Variants in OLFM3 observed in about 807,000 individuals in gnomAD.
OLFM3 encodes the protein noelin-3.
Under a neutral mutation model 48.6 loss-of-function variants are expected in OLFM3, and 20 were observed. That is an observed-to-expected ratio of 0.41 (90% CI 0.29 to 0.60). The LOEUF (loss-of-function observed/expected upper bound fraction) is 0.60. Ranked by LOEUF, OLFM3 falls within the 20% of genes least tolerant of loss-of-function variation. The pLI, the probability that OLFM3 is intolerant of heterozygous loss-of-function variation, is 0.28. For missense variants in OLFM3, 437 were observed against 544.3 expected, an observed-to-expected ratio of 0.80 and a Z score of 1.96; for synonymous variants, 222 against 198.1, an observed-to-expected ratio of 1.12 and a Z score of -1.01.
intron 1 of OLFM3, among the ~76,000 whole-genome samples, chr1:101,944,052 T>C (rs1250635123): frequency 6.7e-6 from 1 of 150,342 alleles, no homozygotes; most frequent in African/African-American, 2.4e-5. Flanking sequence ...TATTTTTATA[T>C]ATATATATAG....
rs150702838 is a variant in OLFM3 at position 101,827,803 on chromosome 1, C to G, written c.373-2558G>C. Among the ~76,000 whole-genome samples, 438 of 152,226 alleles carry G rather than the reference C, an allele frequency of 2.9e-3. 1 individual carries two copies. The highest frequency in any genetic ancestry group is 0.01 in the African/African-American group (431 of 41,534). On this transcript the variant is annotated intron_variant, in intron 3 of 5. Transcript: ENST00000370103. Reference sequence around the variant, plus strand: ...GTTCTCATGCATATTAGATATACGACTCTGGATAAATTACTCAACCTCTTT... The same window carrying G: ...GTTCTCATGCATATTAGATATACGAGTCTGGATAAATTACTCAACCTCTTT...
At chr1:101,889,400 G>A (rs909226871) in intron 1 of OLFM3, among the ~76,000 whole-genome samples, 2 of 152,094 alleles carry the variant, frequency 1.3e-5, no homozygotes, top group African/African-American at 4.8e-5. Context: ...ACTATTGAAA[G>A]GACAGAAAGC....
At position 101,950,605 on chromosome 1, in the gene OLFM3, A is replaced by AT. The variant is rs984239017; in HGVS notation, c.69+46142dup. Among the ~76,000 whole-genome samples, 227 of 146,386 alleles carry AT rather than the reference A, an allele frequency of 1.6e-3. 1 individual carries two copies. The highest frequency in any genetic ancestry group is 6.0e-3 in the East Asian group (30 of 5,032). ...AAGCGCCTGCCACCACTCCCGGCTA[A>AT]TTTTTTTTTTTGGTATTTTTAGTAG... On this transcript the variant is annotated intron_variant, in intron 1 of 5. Transcript: ENST00000370103.
At chr1:101,991,016 A>T (rs373747584) in intron 1 of OLFM3, among the ~76,000 whole-genome samples, 335 of 32,184 alleles carry the variant, frequency 0.01, 15 homozygotes, top group African/African-American at 0.048. Flanking sequence ...AAAAAAAAAA[A>T]ATATATATAT....
intron 1 of OLFM3, among the ~76,000 whole-genome samples, chr1:101,945,790 G>T (rs1259876631): frequency 6.6e-6 from 1 of 152,004 alleles, no homozygotes; most frequent in East Asian, 1.9e-4. Flanking sequence ...TATAGTAAAA[G>T]AAATGTGTTA....
chr1:101,937,064 C>A (rs905382239), intron 1 of OLFM3, among the ~76,000 whole-genome samples: 11 of 152,142 alleles, frequency 7.2e-5, no homozygotes, highest in African/African-American at 2.7e-4. Flanking sequence ...ACAAAGATTT[C>A]ATGATGAAGG....
At chr1:101,955,447 TA>T (rs967318625) in intron 1 of OLFM3, among the ~76,000 whole-genome samples, 7 of 152,098 alleles carry the variant, frequency 4.6e-5, no homozygotes, top group East Asian at 3.9e-4. Flanking sequence ...TTTAGCGTTT[TA>T]AACACCCTCA....
At chr1:101,968,533 G>A (rs373071026) in intron 1 of OLFM3, among the ~76,000 whole-genome samples, 77 of 118,484 alleles carry the variant, frequency 6.5e-4, no homozygotes, top group South Asian at 1.3e-3. Context: ...TTTTTGTTCT[G>A]AAAAAAAAAA....
intron 1 of OLFM3, among the ~76,000 whole-genome samples, chr1:101,906,156 G>A (rs1007400559): frequency 1.3e-5 from 2 of 151,864 alleles, no homozygotes; most frequent in African/African-American, 4.8e-5. Flanking sequence ...AGAGTCTAGA[G>A]TCTTGGAGAA....
chr1:101,840,660 G>A (rs1311330169), intron 1 of OLFM3, among the ~76,000 whole-genome samples: 1 of 151,928 alleles, frequency 6.6e-6, no homozygotes, highest in African/African-American at 2.4e-5. Context: ...TTTTGGTGAT[G>A]GGGTTTTACC....
At chr1:101,935,891 A>G (rs142250623) in intron 1 of OLFM3, among the ~76,000 whole-genome samples, 1 of 152,274 alleles carries the variant, frequency 6.6e-6, no homozygotes, top group Non-Finnish European at 1.5e-5. Flanking sequence ...ACCTTAATAG[A>G]TGGATAAAAG....
intron 4 of OLFM3, among the ~76,000 whole-genome samples, chr1:101,815,142 T>A (rs1170315268): frequency 1.2e-4 from 19 of 152,168 alleles, no homozygotes; most frequent in Admixed American, 1.2e-3. Context: ...CTAGCTACTG[T>A]ATAGAATATT....
chr1:101,893,367 C>A, intron 1 of OLFM3: 1 of 386,078 alleles, frequency 2.6e-6, no homozygotes, highest in African/African-American at 2.1e-5. Flanking sequence ...TGCATGGAGA[C>A]CCAGGGCCAT....
chr1:101,949,608 G>T (rs1012769831), intron 1 of OLFM3, among the ~76,000 whole-genome samples: 1 of 152,048 alleles, frequency 6.6e-6, no homozygotes, highest in African/African-American at 2.4e-5. Context: ...TATAACAAAA[G>T]ATTTGATCAA....
chr1:101,805,051 C>A (rs1311498622), intron 5 of OLFM3, 136 bp from the exon 6 acceptor site: 4 of 656,448 alleles, frequency 6.1e-6, no homozygotes, highest in African/African-American at 5.5e-5. Context: ...TGCTGACCTG[C>A]CGCAATGTAT....
chr1:101,842,182 A>G (rs1188582459), intron 1 of OLFM3, among the ~76,000 whole-genome samples: 2 of 152,212 alleles, frequency 1.3e-5, no homozygotes, highest in Non-Finnish European at 2.9e-5. Context: ...GGCTTTAAGA[A>G]AAAACAACTA....
At chr1:101,978,601 A>G (rs1236889689) in intron 1 of OLFM3, among the ~76,000 whole-genome samples, 2 of 152,210 alleles carry the variant, frequency 1.3e-5, no homozygotes, top group Non-Finnish European at 2.9e-5. Context: ...TACTTTTTCT[A>G]GAATTAATGT....
At chr1:101,959,344 T>C (rs74414525) in intron 1 of OLFM3, among the ~76,000 whole-genome samples, 2 of 36,644 alleles carry the variant, frequency 5.5e-5, no homozygotes, top group South Asian at 1.8e-3. Context: ...CTCCTTTTTT[T>C]TTTTTTTTAA....
At position 101,972,302 on chromosome 1, in the gene OLFM3, C is replaced by T. The variant is rs568684143; in HGVS notation, c.69+24446G>A. Among the ~76,000 whole-genome samples the T allele has an allele frequency of 5.9e-5, 9 of 152,282 alleles. No individual in the cohort carries two copies. In the South Asian group the frequency reaches 1.2e-3, roughly 21 times the overall value. ...AGTAGAAATTATCCCTTTGTGAATA[C>T]TGAATGTCTTTATCATAATGCTGTC... On this transcript the variant is annotated intron_variant, in intron 1 of 5. Coordinates refer to ENST00000370103, the MANE Select transcript of OLFM3 (RefSeq NM_058170.4).
Sources: gnomAD v4.1 joint callset for allele counts (sites outside exome capture counted in the v4.1 genomes callset) on GRCh38, gnomAD v4.1.1 for gene constraint, MANE v1.5 for transcripts, NCBI Gene and HGNC (gene_info 2026-07-23, HGNC 2026-07-21) for gene names.